Variants in MIR2052HG observed in about 807,000 individuals in gnomAD.
MIR2052HG encodes MIR2052 host gene.
intron 4 of MIR2052HG, among the ~76,000 whole-genome samples, chr8:74,749,749 G>A (rs1458707765): frequency 1.3e-5 from 2 of 151,200 alleles, no homozygotes; most frequent in African/African-American, 2.4e-5. Flanking sequence ...CTCAGGAGGC[G>A]GAGGCAGGAG....
intron 4 of MIR2052HG, among the ~76,000 whole-genome samples, chr8:74,713,938 T>C (rs1809495354): frequency 6.6e-6 from 1 of 152,054 alleles, no homozygotes; most frequent in Admixed American, 6.5e-5. Context: ...AAAAATCTTA[T>C]ATCTGGGAGA....
intron 1 of MIR2052HG, among the ~76,000 whole-genome samples, chr8:74,601,887 A>G (rs146172561): frequency 8.2e-4 from 125 of 152,346 alleles, no homozygotes; most frequent in African/African-American, 2.9e-3. Context: ...CTCCCCTAGA[A>G]TCATACTTCA....
intron 4 of MIR2052HG, among the ~76,000 whole-genome samples, chr8:74,749,507 C>T (rs542235125): frequency 3.3e-5 from 5 of 152,088 alleles, no homozygotes; most frequent in East Asian, 3.9e-4. Context: ...CTAGTGAAAA[C>T]GTCTCAACAT....
intron 4 of MIR2052HG, among the ~76,000 whole-genome samples, chr8:74,733,890 G>A (rs1259381356): frequency 1.3e-5 from 2 of 152,042 alleles, no homozygotes; most frequent in Non-Finnish European, 2.9e-5. Context: ...CTTTTGAGAA[G>A]TGTCTGTTCA....
At chr8:74,607,797 T>C (rs1446555814) in intron 1 of MIR2052HG, among the ~76,000 whole-genome samples, 1 of 152,154 alleles carries the variant, frequency 6.6e-6, no homozygotes, top group Non-Finnish European at 1.5e-5. Flanking sequence ...AGAAAGTGAC[T>C]CTTTATTACA....
intron 2 of MIR2052HG, among the ~76,000 whole-genome samples, chr8:74,694,019 G>A (rs895437016): frequency 3.3e-5 from 5 of 152,118 alleles, no homozygotes; most frequent in Non-Finnish European, 7.4e-5. Context: ...ATGCTCTCCT[G>A]AAAGTGCCAC....
intron 4 of MIR2052HG, among the ~76,000 whole-genome samples, chr8:74,741,892 T>G (rs1397908120): frequency 2.0e-5 from 3 of 152,198 alleles, no homozygotes; most frequent in Non-Finnish European, 4.4e-5. Context: ...GTTCACAGTA[T>G]GGGCTGAAAC....
chr8:74,696,384 A>G (rs556676698), intron 2 of MIR2052HG, among the ~76,000 whole-genome samples: 1 of 152,162 alleles, frequency 6.6e-6, no homozygotes, highest in African/African-American at 2.4e-5. Context: ...AACAGCACAA[A>G]TAAACAATCT....
At chr8:74,618,482 TA>T (rs982850759) in intron 2 of MIR2052HG, among the ~76,000 whole-genome samples, 1 of 152,158 alleles carries the variant, frequency 6.6e-6, no homozygotes, top group Admixed American at 6.5e-5. Context: ...GGAGGGGGCT[TA>T]TAGTACATTA....
intron 4 of MIR2052HG, among the ~76,000 whole-genome samples, chr8:74,743,407 A>G (rs1316138013): frequency 6.6e-6 from 1 of 152,186 alleles, no homozygotes; most frequent in Non-Finnish European, 1.5e-5. Flanking sequence ...GAGGTCATGG[A>G]AAACTAATAC....
intron 2 of MIR2052HG, among the ~76,000 whole-genome samples, chr8:74,689,662 T>C (rs952587647): frequency 6.6e-6 from 1 of 152,192 alleles, no homozygotes; most frequent in African/African-American, 2.4e-5. Context: ...TATAACATGG[T>C]ATTTGGGGCA....
chr8:74,706,886 G>A (rs894130339), intron 4 of MIR2052HG, among the ~76,000 whole-genome samples: 1 of 152,068 alleles, frequency 6.6e-6, no homozygotes, highest in Non-Finnish European at 1.5e-5. Context: ...AGTCGTTGGG[G>A]AGGATTTGCA....
intron 1 of MIR2052HG, among the ~76,000 whole-genome samples, chr8:74,611,813 T>C (rs1334870350): frequency 2.0e-5 from 3 of 152,168 alleles, no homozygotes; most frequent in African/African-American, 7.2e-5. Flanking sequence ...CTATCATGAT[T>C]GATAGGATGT....
chr8:74,699,733 G>A (rs932979829), intron 2 of MIR2052HG, among the ~76,000 whole-genome samples: 3 of 151,942 alleles, frequency 2.0e-5, no homozygotes, highest in Non-Finnish European at 2.9e-5. Flanking sequence ...GATAATCTCA[G>A]AAATCACCAT....
intron 2 of MIR2052HG, among the ~76,000 whole-genome samples, chr8:74,683,141 G>T (rs1438081081): frequency 6.6e-6 from 1 of 152,036 alleles, no homozygotes; most frequent in Non-Finnish European, 1.5e-5. Context: ...AGAGTGAGTT[G>T]CCAGGTGTTT....
Position 74,749,973 on chromosome 8 carries a change from G to C in MIR2052HG, n.372-2468G>C, listed in dbSNP as rs138578144. On this transcript the variant is annotated intron_variant and non_coding_transcript_variant, in intron 4 of 6. Coordinates refer to ENST00000523442, the Ensembl canonical transcript of MIR2052HG. ...CCAGTGCATATCCTTGCTCTCTTGCGTAGACCTTCTAATTAAAATGGAAGC... is the reference window on the plus strand; with the variant it reads ...CCAGTGCATATCCTTGCTCTCTTGCCTAGACCTTCTAATTAAAATGGAAGC... 1.3e-3 allele frequency among the ~76,000 whole-genome samples: 201 copies of C among 152,038 alleles called. 1 individual carries two copies. The highest frequency in any genetic ancestry group is 4.7e-3 in the African/African-American group (194 of 41,444).
chr8:74,733,411 T>A (rs1409799923), intron 4 of MIR2052HG, among the ~76,000 whole-genome samples: 1 of 152,172 alleles, frequency 6.6e-6, no homozygotes, highest in African/African-American at 2.4e-5. Context: ...GGACATAAAT[T>A]CATCATTTTT....
Position 74,716,215 on chromosome 8 carries a change from A to G in MIR2052HG, n.371+12533A>G, listed in dbSNP as rs187598565. ...TCTCGCACTTATCTCTGGGCCATGCAGCCCAGAGAAATCTCTAACGTAGGG... is the reference window on the plus strand; with the variant it reads ...TCTCGCACTTATCTCTGGGCCATGCGGCCCAGAGAAATCTCTAACGTAGGG... On this transcript the variant is annotated intron_variant and non_coding_transcript_variant, in intron 4 of 6. Coordinates refer to ENST00000523442, the Ensembl canonical transcript of MIR2052HG. Among the ~76,000 whole-genome samples, 119 of 152,302 alleles carry G rather than the reference A, an allele frequency of 7.8e-4. 1 individual carries two copies. The highest frequency in any genetic ancestry group is 6.8e-3 in the Middle Eastern group (2 of 294).
intron 4 of MIR2052HG, among the ~76,000 whole-genome samples, chr8:74,736,814 G>A (rs1483690737): frequency 6.6e-6 from 1 of 152,178 alleles, no homozygotes; most frequent in Non-Finnish European, 1.5e-5. Context: ...TATAAGTGGA[G>A]GCTCAGGCCT....
Sources: allele counts gnomAD v4.1 joint callset (sites outside exome capture counted in the v4.1 genomes callset), GRCh38; gene constraint gnomAD v4.1.1; transcripts MANE v1.5; gene names NCBI Gene and HGNC (gene_info 2026-07-23, HGNC 2026-07-21).